Variants in KRABD5 observed in about 807,000 individuals in gnomAD.
KRABD5 encodes the protein KRAB domain-containing protein 5.
chr16:31,755,587 T>C, the KRABD5 span: 2 of 469,286 alleles, frequency 4.3e-6, no homozygotes, highest in South Asian at 3.1e-5. Context: ...TTAACCGGTC[T>C]TCAAACCTTA....
At chr16:31,713,618 C>T in the KRABD5 span, 9 of 794,442 alleles carry the variant, frequency 1.1e-5, no homozygotes, top group South Asian at 1.7e-4. Flanking sequence ...GCGTCCGGTC[C>T]CCTCCCGACC....
the KRABD5 span, among the ~76,000 whole-genome samples, chr16:31,732,973 A>C: frequency 6.6e-5 from 10 of 152,018 alleles, no homozygotes; most frequent in Non-Finnish European, 1.5e-4. Context: ...AATTTCTCTT[A>C]TTCTTGTTAT....
chr16:31,750,079 G>C, the KRABD5 span, among the ~76,000 whole-genome samples: 1 of 152,178 alleles, frequency 6.6e-6, no homozygotes, highest in Non-Finnish European at 1.5e-5. Context: ...TGTGAAAAAT[G>C]ACGTTGGTAG....
At chr16:31,739,207 G>A in the KRABD5 span, among the ~76,000 whole-genome samples, 2 of 152,092 alleles carry the variant, frequency 1.3e-5, no homozygotes, top group Non-Finnish European at 2.9e-5. Context: ...GTGAAGAACT[G>A]CCTCTATTTA....
the KRABD5 span, among the ~76,000 whole-genome samples, chr16:31,752,018 AGTT>A: frequency 6.6e-6 from 1 of 152,186 alleles, no homozygotes; most frequent in South Asian, 2.1e-4. Flanking sequence ...TTTACTCAAA[AGTT>A]GTTGAGGAGC....
the KRABD5 span, chr16:31,754,488 T>G: frequency 3.1e-6 from 2 of 637,106 alleles, no homozygotes; most frequent in Non-Finnish European, 5.8e-6. Context: ...GATACAACAT[T>G]AAGCCAAGGC....
chr16:31,759,260 A>T, the KRABD5 span: 1 of 1,317,524 alleles, frequency 7.6e-7, no homozygotes, highest in South Asian at 1.4e-5. Context: ...GAATATGAAA[A>T]ACCAAGCACA....
At chr16:31,737,812 T>A in the KRABD5 span, among the ~76,000 whole-genome samples, 1 of 152,154 alleles carries the variant, frequency 6.6e-6, no homozygotes, top group Non-Finnish European at 1.5e-5. Context: ...CCATCTGTGG[T>A]CTCTTGAGAT....
chr16:31,748,446 TG>T, the KRABD5 span, among the ~76,000 whole-genome samples: 183 of 152,378 alleles, frequency 1.2e-3, no homozygotes, highest in African/African-American at 4.2e-3. Context: ...TTTGTTCTTT[TG>T]GCTTATGTTC....
chr16:31,739,706 G>T, the KRABD5 span, among the ~76,000 whole-genome samples: 1 of 152,036 alleles, frequency 6.6e-6, no homozygotes, highest in East Asian at 1.9e-4. Flanking sequence ...TTGGGAACAG[G>T]CCCCCAAATC....
chr16:31,719,939 T>C, the KRABD5 span, among the ~76,000 whole-genome samples: 1 of 152,190 alleles, frequency 6.6e-6, no homozygotes, highest in Non-Finnish European at 1.5e-5. Context: ...TTCTTTTCCG[T>C]ATCTCTCCCA....
chr16:31,721,131 T>G, the KRABD5 span, among the ~76,000 whole-genome samples: 2 of 152,204 alleles, frequency 1.3e-5, no homozygotes, highest in Admixed American at 6.5e-5. Context: ...CAAGCTCTTA[T>G]TTTAGTTTAT....
At chr16:31,753,516 C>T in the KRABD5 span, among the ~76,000 whole-genome samples, 17 of 152,136 alleles carry the variant, frequency 1.1e-4, no homozygotes, top group African/African-American at 3.9e-4. Context: ...TGCACAAATA[C>T]AACAAACTTT....
chr16:31,754,035 C>T, the KRABD5 span: 1 of 1,086,156 alleles, frequency 9.2e-7, no homozygotes. Flanking sequence ...TTTTTCTAAA[C>T]CATGTGTTTC....
At chr16:31,760,644 A>G in the KRABD5 span, 2 of 151,866 alleles carry the variant, frequency 1.3e-5, no homozygotes, top group South Asian at 2.1e-4. Flanking sequence ...GTCTCTCTAC[A>G]GATCTATTTT....
chr16:31,730,445 G>A, the KRABD5 span, among the ~76,000 whole-genome samples: 6 of 152,008 alleles, frequency 3.9e-5, no homozygotes, highest in Non-Finnish European at 8.8e-5. Context: ...TCCCTTGTAT[G>A]TGAAGAATCT....
chr16:31,741,682 A>G, the KRABD5 span, among the ~76,000 whole-genome samples: 2 of 151,710 alleles, frequency 1.3e-5, no homozygotes, highest in East Asian at 1.9e-4. Context: ...TTTAAATTTC[A>G]TATGGATTCT....
chr16:31,741,969 T>C, the KRABD5 span, among the ~76,000 whole-genome samples: 1 of 152,134 alleles, frequency 6.6e-6, no homozygotes, highest in Non-Finnish European at 1.5e-5. Flanking sequence ...TTATATATGG[T>C]GAAATGTAGG....
chr16:31,732,997 T>C, the KRABD5 span, among the ~76,000 whole-genome samples: 1 of 152,180 alleles, frequency 6.6e-6, no homozygotes, highest in Non-Finnish European at 1.5e-5. Flanking sequence ...TTCCATATGA[T>C]TGTGTTTCTT....
Sources: allele counts gnomAD v4.1 joint callset (sites outside exome capture counted in the v4.1 genomes callset), GRCh38; gene constraint gnomAD v4.1.1; transcripts MANE v1.5; gene names NCBI Gene and HGNC (gene_info 2026-07-23, HGNC 2026-07-21).